Variants in DIP2C observed in about 807,000 individuals in gnomAD.
DIP2C encodes disco-interacting protein 2 homolog C.
DIP2C carries 33 observed loss-of-function variants against 192.4 expected under a neutral mutation model. That is an observed-to-expected ratio of 0.17 (90% CI 0.13 to 0.23). DIP2C has a LOEUF of 0.23. Among genes scored for constraint, DIP2C ranks in the 10% least tolerant of loss-of-function variants. The probability of loss-of-function intolerance (pLI) is 1.00; values close to 1 mark genes in which losing one functional copy is unlikely to be tolerated. For synonymous variants in DIP2C, 979 were observed against 864.1 expected, an observed-to-expected ratio of 1.13 and a Z score of -2.33; for missense variants, 1,537 against 2,110.1, an observed-to-expected ratio of 0.73 and a Z score of 5.32.
chr10:397,931 T>C (rs1310548862), intron 10 of DIP2C, among the ~76,000 whole-genome samples: 1 of 152,122 alleles, frequency 6.6e-6, no homozygotes, highest in Non-Finnish European at 1.5e-5. Context: ...CATCCTCTGT[T>C]TGAAATTCAG....
intron 30 of DIP2C, among the ~76,000 whole-genome samples, chr10:327,676 G>A (rs183128222): frequency 6.8e-4 from 103 of 152,260 alleles, no homozygotes; most frequent in African/African-American, 2.4e-3. Context: ...TGGGACTGCA[G>A]ACATGTACCA....
intron 5 of DIP2C, among the ~76,000 whole-genome samples, chr10:422,071 G>A (rs1378152279): frequency 6.6e-6 from 1 of 152,156 alleles, no homozygotes; most frequent in Non-Finnish European, 1.5e-5. Flanking sequence ...TCCTGCGGCA[G>A]CTGAGATACC....
chr10:358,225 G>A (rs546497179), intron 22 of DIP2C, among the ~76,000 whole-genome samples: 4 of 151,978 alleles, frequency 2.6e-5, no homozygotes, highest in East Asian at 3.9e-4. Context: ...CCCGTGTGCC[G>A]GCACTCACAG....
intron 3 of DIP2C, 152 bp from the exon 4 acceptor site, chr10:441,148 T>A: frequency 1.2e-6 from 1 of 832,578 alleles, no homozygotes; most frequent in Non-Finnish European, 1.8e-6. Context: ...TGTTTACAAT[T>A]CCAGTAAAGA....
At chr10:333,691 C>CCAAA (rs1396810101) in intron 29 of DIP2C, among the ~76,000 whole-genome samples, 1 of 152,232 alleles carries the variant, frequency 6.6e-6, no homozygotes, top group African/African-American at 2.4e-5. Flanking sequence ...TAAGATCATG[C>CCAAA]CAAACAGTGG....
At chr10:542,354 G>C (rs1848044359) in intron 1 of DIP2C, among the ~76,000 whole-genome samples, 1 of 152,156 alleles carries the variant, frequency 6.6e-6, no homozygotes, top group African/African-American at 2.4e-5. Context: ...TCCTCTCCTG[G>C]CAGAGCTTTG....
At chr10:499,546 A>G (rs977489408) in intron 1 of DIP2C, among the ~76,000 whole-genome samples, 8 of 152,216 alleles carry the variant, frequency 5.3e-5, no homozygotes, top group African/African-American at 1.7e-4. Context: ...GGGGGAGGAC[A>G]GGACCTACTG....
intron 1 of DIP2C, among the ~76,000 whole-genome samples, chr10:560,778 A>C (rs1175514414): frequency 2.0e-5 from 3 of 151,926 alleles, no homozygotes; most frequent in Admixed American, 6.6e-5. Flanking sequence ...TCCAAAGCTA[A>C]CCTGAAAAAC....
intron 1 of DIP2C, among the ~76,000 whole-genome samples, chr10:571,893 C>T (rs553213004): frequency 6.6e-6 from 1 of 152,232 alleles, no homozygotes; most frequent in Non-Finnish European, 1.5e-5. Flanking sequence ...ATAATGTAAG[C>T]AGTTCAGCTT....
At chr10:327,942 C>T (rs1957346655) in intron 30 of DIP2C, among the ~76,000 whole-genome samples, 1 of 152,168 alleles carries the variant, frequency 6.6e-6, no homozygotes, top group Non-Finnish European at 1.5e-5. Context: ...TGTGGCACTA[C>T]CTGGGCCGAG....
rs1423150476 is a variant in DIP2C at position 276,603 on chromosome 10, A to T, written c.*722T>A. 6.5e-6 allele frequency: 1 copy of T among 152,690 alleles called. No individual in the cohort carries two copies. The highest frequency in any genetic ancestry group is 1.5e-5 in the Non-Finnish European group (1 of 68,050). 9.5% of individuals were successfully genotyped at this position (152,690 alleles called of 1,614,324 possible). A position where few individuals can be genotyped will look rare whatever the true frequency, so the allele number is the denominator to read the frequency against. ...TCAAAATAAATTAAACGTTTTGTAC[A>T]TAATTACATATTGAGGAAGTTAACT... On this transcript the variant is annotated 3_prime_UTR_variant, in exon 37 of 37. Coordinates refer to ENST00000280886, the MANE Select transcript of DIP2C (RefSeq NM_014974.3).
intron 18 of DIP2C, among the ~76,000 whole-genome samples, chr10:368,806 A>T (rs1040591460): frequency 1.3e-5 from 2 of 152,368 alleles, no homozygotes; most frequent in South Asian, 4.1e-4. Context: ...CACAGGCTCC[A>T]GGATTCCCAG....
At chr10:599,138 C>G (rs1229736579) in intron 1 of DIP2C, among the ~76,000 whole-genome samples, 32 of 152,136 alleles carry the variant, frequency 2.1e-4, no homozygotes, top group Admixed American at 2.1e-3. Flanking sequence ...GACCCAGAAA[C>G]CCCAGCGTTC....
At chr10:376,095 G>A (rs1303443043) in intron 17 of DIP2C, among the ~76,000 whole-genome samples, 2 of 152,196 alleles carry the variant, frequency 1.3e-5, no homozygotes, top group Non-Finnish European at 2.9e-5. Context: ...TTCAAGCTCT[G>A]TGTGTGTATG....
chr10:321,587 C>G lies in DIP2C; in HGVS notation c.3924+5419G>C, dbSNP rs1245221800. ...AACAGTCAGTCGGGGGTGCGGGGCT[C>G]CAGCGAGAGACCGGCGCTGTTAGAA... On this transcript the variant is annotated intron_variant, in intron 31 of 36. Coordinates refer to ENST00000280886, the MANE Select transcript of DIP2C (RefSeq NM_014974.3). Among the ~76,000 whole-genome samples, 145 of 144,654 alleles carry G rather than the reference C, an allele frequency of 1.0e-3. 1 individual carries two copies. The highest frequency in any genetic ancestry group is 1.6e-3 in the Admixed American group (24 of 14,606). The allele number at this position is 144,654 out of a possible 152,430, so 94.9% of individuals were successfully genotyped here. A position where few individuals can be genotyped will look rare whatever the true frequency, so the allele number is the denominator to read the frequency against.
chr10:599,971 ACT>A (rs1321666982), intron 1 of DIP2C, among the ~76,000 whole-genome samples: 1 of 151,738 alleles, frequency 6.6e-6, no homozygotes, highest in African/African-American at 2.4e-5. Flanking sequence ...GGCTTCCAGG[ACT>A]CTCTCTAGGC....
chr10:660,197 A>T (rs1056323006), intron 1 of DIP2C, among the ~76,000 whole-genome samples: 3 of 151,726 alleles, frequency 2.0e-5, no homozygotes, highest in African/African-American at 7.3e-5. Flanking sequence ...AGCTCTGTGT[A>T]TGAAACAGAG....
At chr10:534,494 T>TA (rs368473348) in intron 1 of DIP2C, among the ~76,000 whole-genome samples, 19 of 152,220 alleles carry the variant, frequency 1.2e-4, no homozygotes, top group African/African-American at 2.9e-4. Context: ...CACATTCCTT[T>TA]AAAAAAAGAT....
chr10:407,553 C>T (rs770675234), intron 9 of DIP2C, among the ~76,000 whole-genome samples: 4 of 152,130 alleles, frequency 2.6e-5, no homozygotes, highest in Non-Finnish European at 4.4e-5. Flanking sequence ...ACCAGCAATG[C>T]GCAAGGGTTC....
Sources: allele counts gnomAD v4.1 joint callset (sites outside exome capture counted in the v4.1 genomes callset), GRCh38; gene constraint gnomAD v4.1.1; transcripts MANE v1.5; gene names NCBI Gene and HGNC (gene_info 2026-07-23, HGNC 2026-07-21).